The following NFIA variants were observed in gnomAD, a reference collection of about 807,000 sequenced individuals.
The protein encoded by NFIA is nuclear factor 1 A-type.
NFIA carries 8 observed loss-of-function variants against 62.8 expected under a neutral mutation model. The ratio of observed to expected loss-of-function variants is 0.13; its 90% CI spans 0.07 to 0.23. The LOEUF (loss-of-function observed/expected upper bound fraction) is 0.23, where lower values mean the gene tolerates loss of function less well. Ranked by LOEUF, NFIA falls within the 10% of genes least tolerant of loss-of-function variation. The pLI is 1.00. For missense variants in NFIA, 410 were observed against 642.1 expected (o/e 0.64, Z 3.91); for synonymous variants, 235 against 238.1 (o/e 0.99, Z 0.12).
At chr1:61,381,270 TTTG>T (rs373757024) in intron 6 of NFIA, among the ~76,000 whole-genome samples, 146 of 152,260 alleles carry the variant, frequency 9.6e-4, no homozygotes, top group African/African-American at 3.4e-3. Context: ...AGTTGGGAGA[TTTG>T]TTTACATTTT....
intron 2 of NFIA, among the ~76,000 whole-genome samples, chr1:61,093,992 G>A (rs950161860): frequency 6.6e-6 from 1 of 152,142 alleles, no homozygotes; most frequent in African/African-American, 2.4e-5. Context: ...ACAGCCTGTC[G>A]GCATTTTAAA....
At chr1:61,360,733 G>T (rs1663243355) in intron 6 of NFIA, among the ~76,000 whole-genome samples, 1 of 152,180 alleles carries the variant, frequency 6.6e-6, no homozygotes, top group Non-Finnish European at 1.5e-5. Flanking sequence ...TATCCTGATT[G>T]TGGTGGTCAC....
intron 2 of NFIA, among the ~76,000 whole-genome samples, chr1:61,097,209 T>G (rs931078540): frequency 6.6e-6 from 1 of 152,160 alleles, no homozygotes; most frequent in Non-Finnish European, 1.5e-5. Flanking sequence ...TTCCATACTG[T>G]ATGTATTTTT....
chr1:61,434,846 A>G (rs1443722200), intron 10 of NFIA, among the ~76,000 whole-genome samples: 2 of 152,184 alleles, frequency 1.3e-5, no homozygotes, highest in African/African-American at 4.8e-5. Context: ...GAAATTTTAC[A>G]TTGTATGGGA....
chr1:61,319,253 T>C (rs889300022), intron 3 of NFIA, among the ~76,000 whole-genome samples: 3 of 152,300 alleles, frequency 2.0e-5, no homozygotes, highest in Admixed American at 2.0e-4. Flanking sequence ...AAACTACACC[T>C]AAAGACTTCA....
intron 2 of NFIA, among the ~76,000 whole-genome samples, chr1:61,146,242 G>A (rs1449901497): frequency 6.6e-6 from 1 of 152,092 alleles, no homozygotes; most frequent in African/African-American, 2.4e-5. Flanking sequence ...ATAATCCAGG[G>A]TAATCTGTCT....
intron 2 of NFIA, among the ~76,000 whole-genome samples, chr1:61,224,412 A>G (rs1654203488): frequency 6.6e-6 from 1 of 152,178 alleles, no homozygotes; most frequent in Non-Finnish European, 1.5e-5. Context: ...AGAGGGTCTG[A>G]GAACTTTGTT....
At chr1:61,234,275 G>A (rs1457623192) in intron 2 of NFIA, among the ~76,000 whole-genome samples, 2 of 151,676 alleles carry the variant, frequency 1.3e-5, no homozygotes, top group African/African-American at 2.4e-5. Context: ...GCTGAGGCAG[G>A]AGAATCGCTT....
At chr1:61,303,996 C>T (rs900313617) in intron 3 of NFIA, among the ~76,000 whole-genome samples, 3 of 151,298 alleles carry the variant, frequency 2.0e-5, no homozygotes, top group Non-Finnish European at 2.9e-5. Context: ...TGACATTGGC[C>T]GGGCGCGGTG....
At chr1:61,100,517 C>T (rs1188691315) in intron 2 of NFIA, among the ~76,000 whole-genome samples, 1 of 152,118 alleles carries the variant, frequency 6.6e-6, no homozygotes, top group African/African-American at 2.4e-5. Context: ...GATTTTAGAG[C>T]ATTTGATGTT....
chr1:61,308,882 A>G (rs573908709), intron 3 of NFIA, among the ~76,000 whole-genome samples: 2 of 152,304 alleles, frequency 1.3e-5, no homozygotes, highest in East Asian at 3.9e-4. Context: ...TCCAAGGAGT[A>G]ACCATAACCT....
chr1:61,098,012 T>G (rs758572326), intron 2 of NFIA, among the ~76,000 whole-genome samples: 10 of 152,164 alleles, frequency 6.6e-5, no homozygotes, highest in African/African-American at 9.7e-5. Flanking sequence ...CTTCGTGGCA[T>G]TTTTTAACAT....
intron 2 of NFIA, among the ~76,000 whole-genome samples, chr1:61,093,582 A>C (rs1646359930): frequency 1.3e-5 from 2 of 152,214 alleles, no homozygotes; most frequent in Admixed American, 6.5e-5. Context: ...TTGATTTTAC[A>C]TCCTTGAGTG....
At chr1:61,346,546 A>G (rs1351369669) in intron 4 of NFIA, among the ~76,000 whole-genome samples, 9 of 152,150 alleles carry the variant, frequency 5.9e-5, no homozygotes, top group Non-Finnish European at 8.8e-5. Context: ...CAAGTGCACA[A>G]TTGGGAACAG....
At chr1:61,341,337 C>T (rs1045871209) in intron 4 of NFIA, among the ~76,000 whole-genome samples, 6 of 152,222 alleles carry the variant, frequency 3.9e-5, no homozygotes, top group African/African-American at 1.2e-4. Flanking sequence ...AGGTGTGAGC[C>T]ACTGCACCTG....
At chr1:61,342,626 A>G (rs1357118714) in intron 4 of NFIA, among the ~76,000 whole-genome samples, 2 of 152,238 alleles carry the variant, frequency 1.3e-5, no homozygotes, top group Non-Finnish European at 2.9e-5. Flanking sequence ...TGACGCTTAT[A>G]AAGTTTAAGA....
At chr1:61,148,442 C>A (rs1207197596) in intron 2 of NFIA, among the ~76,000 whole-genome samples, 2 of 152,126 alleles carry the variant, frequency 1.3e-5, no homozygotes, top group Non-Finnish European at 2.9e-5. Flanking sequence ...TGACTTAGCA[C>A]CTTCTAGAAG....
intron 2 of NFIA, among the ~76,000 whole-genome samples, chr1:61,213,928 C>G (rs563097699): frequency 6.6e-6 from 1 of 152,170 alleles, no homozygotes; most frequent in African/African-American, 2.4e-5. Flanking sequence ...CGTGGTTGTA[C>G]TTTTCATGAG....
At chr1:61,389,922 TGGGGAC>T (rs1264831557) in intron 7 of NFIA, among the ~76,000 whole-genome samples, 1 of 152,184 alleles carries the variant, frequency 6.6e-6, no homozygotes, top group Admixed American at 6.5e-5. Flanking sequence ...TATTACTATC[TGGGGAC>T]CCATTAATTT....
Sources: allele counts gnomAD v4.1 joint callset (sites outside exome capture counted in the v4.1 genomes callset), GRCh38; gene constraint gnomAD v4.1.1; transcripts MANE v1.5; gene names NCBI Gene and HGNC (gene_info 2026-07-23, HGNC 2026-07-21).